Variants in LARP1B observed in about 807,000 individuals in gnomAD.
LARP1B encodes La ribonucleoprotein 1B.
A neutral mutation model predicts 114.2 loss-of-function variants in LARP1B; 76 were observed. The observed-to-expected ratio is 0.67, with a 90% CI of 0.55 to 0.81. The LOEUF is 0.81. Among genes scored for constraint, LARP1B ranks in the 30% least tolerant of loss-of-function variants. The pLI is 0.00. For missense variants in LARP1B, 1,014 were observed against 1,075.8 expected, an observed-to-expected ratio of 0.94 and a Z score of 0.80; for synonymous variants, 345 against 348.0, an observed-to-expected ratio of 0.99 and a Z score of 0.10.
intron 5 of LARP1B, among the ~76,000 whole-genome samples, chr4:128,084,199 G>T (rs1772274648): frequency 6.6e-6 from 1 of 152,110 alleles, no homozygotes. Flanking sequence ...AGGCAGAGAT[G>T]CTCCTCACTT....
chr4:128,167,538 GT>G (rs1353721692), intron 12 of LARP1B, among the ~76,000 whole-genome samples: 1 of 151,990 alleles, frequency 6.6e-6, no homozygotes, highest in African/African-American at 2.4e-5. Flanking sequence ...TCTGTTGATT[GT>G]TTCCTTTGCT....
At chr4:128,175,232 G>A (rs1288625351) in intron 12 of LARP1B, among the ~76,000 whole-genome samples, 1 of 152,012 alleles carries the variant, frequency 6.6e-6, no homozygotes, top group Non-Finnish European at 1.5e-5. Flanking sequence ...TTCAGGTTTT[G>A]GCATGGTTTT....
chr4:128,152,586 TG>T (rs1356495374), intron 11 of LARP1B, among the ~76,000 whole-genome samples: 1 of 151,852 alleles, frequency 6.6e-6, no homozygotes, highest in African/African-American at 2.4e-5. Flanking sequence ...TTTATTTAGA[TG>T]GTGATTTTTA....
At chr4:128,112,600 A>G (rs1784498127) in intron 9 of LARP1B, among the ~76,000 whole-genome samples, 2 of 149,308 alleles carry the variant, frequency 1.3e-5, no homozygotes, top group South Asian at 2.2e-4. Flanking sequence ...CAGCCTCCCA[A>G]GTAGTTGGGA....
chr4:128,219,184 G>T (rs373400132), intron 6 of LARP1B, among the ~76,000 whole-genome samples: 101 of 148,624 alleles, frequency 6.8e-4, no homozygotes, highest in Middle Eastern at 3.5e-3. Flanking sequence ...GGAACACTTT[G>T]ACACTGTTGG....
chr4:128,198,957 G>T (rs538569616), intron 15 of LARP1B, among the ~76,000 whole-genome samples: 5 of 152,132 alleles, frequency 3.3e-5, no homozygotes, highest in Admixed American at 6.6e-5. Context: ...AGAATTGCAG[G>T]TTCTGTCTTA....
downstream of LARP1B, among the ~76,000 whole-genome samples, chr4:128,214,625 C>T (rs1210218232): frequency 5.2e-5 from 7 of 133,502 alleles, no homozygotes; most frequent in Non-Finnish European, 6.4e-5. Flanking sequence ...AGGACATCTA[C>T]ACCGAAAACC....
intron 11 of LARP1B, among the ~76,000 whole-genome samples, chr4:128,131,711 C>T (rs2150111759): frequency 6.6e-6 from 1 of 152,266 alleles, no homozygotes; most frequent in East Asian, 1.9e-4. Flanking sequence ...AAGCAAGTCC[C>T]TGTCTCTAAA....
intron 17 of LARP1B, among the ~76,000 whole-genome samples, chr4:128,204,112 A>G (rs1236890435): frequency 6.6e-6 from 1 of 152,220 alleles, no homozygotes; most frequent in Non-Finnish European, 1.5e-5. Context: ...TGCCTATTCA[A>G]TATAAATGTT....
At chr4:128,193,677 A>C (rs979494730) in intron 15 of LARP1B, among the ~76,000 whole-genome samples, 1 of 151,232 alleles carries the variant, frequency 6.6e-6, no homozygotes, top group Non-Finnish European at 1.5e-5. Context: ...AGTGCAATGG[A>C]GTGATCTTGG....
chr4:128,067,254 A>G (rs1763355085), intron 1 of LARP1B, among the ~76,000 whole-genome samples: 1 of 152,206 alleles, frequency 6.6e-6, no homozygotes, highest in South Asian at 2.1e-4. Flanking sequence ...GTATAATTCT[A>G]CAAAACAGGA....
intron 11 of LARP1B, among the ~76,000 whole-genome samples, chr4:128,148,261 C>G (rs562752081): frequency 6.6e-6 from 1 of 152,064 alleles, no homozygotes; most frequent in Admixed American, 6.6e-5. Flanking sequence ...TGAAGTCCCT[C>G]TCTACTAAAA....
At chr4:128,182,537 C>G (rs1748896874) in intron 15 of LARP1B, among the ~76,000 whole-genome samples, 1 of 152,154 alleles carries the variant, frequency 6.6e-6, no homozygotes, top group African/African-American at 2.4e-5. Context: ...TGTTTTCTGG[C>G]TGCTCCACTG....
chr4:128,061,805 C>T (rs1760213282), intron 1 of LARP1B: 7 of 984,814 alleles, frequency 7.1e-6, no homozygotes, highest in Non-Finnish European at 8.4e-6. Flanking sequence ...CGAGCAGCCG[C>T]CCCCGCCCGA....
At chr4:128,083,626 C>T (rs1771707432) in intron 5 of LARP1B, among the ~76,000 whole-genome samples, 1 of 142,714 alleles carries the variant, frequency 7.0e-6, no homozygotes, top group Non-Finnish European at 1.5e-5. Flanking sequence ...GGGGTGCTGA[C>T]CCCCCCACCT....
intron 11 of LARP1B, among the ~76,000 whole-genome samples, chr4:128,146,437 T>C (rs968096985): frequency 1.3e-5 from 2 of 152,176 alleles, no homozygotes; most frequent in Admixed American, 6.5e-5. Flanking sequence ...GTTAGAAAAA[T>C]TCCAAAGTAA....
intron 1 of LARP1B, among the ~76,000 whole-genome samples, chr4:128,070,797 A>G (rs942850390): frequency 1.3e-5 from 2 of 151,344 alleles, no homozygotes; most frequent in African/African-American, 4.9e-5. Context: ...CCCTATCTCA[A>G]TTAAAAAAAA....
intron 11 of LARP1B, among the ~76,000 whole-genome samples, chr4:128,141,536 C>T (rs1255601510): frequency 6.6e-6 from 1 of 152,172 alleles, no homozygotes; most frequent in African/African-American, 2.4e-5. Flanking sequence ...CACTTAATCT[C>T]ATCGTTAGGC....
chr4:128,098,166 A>G lies in LARP1B; in HGVS notation c.669-20A>G, dbSNP rs1778763063. 2 of 1,579,076 alleles carry G rather than the reference A, an allele frequency of 1.3e-6. No individual in the cohort carries two copies. Among genetic ancestry groups the G allele is most frequent in the South Asian group, 1.1e-5 (1 of 89,626 alleles). On this transcript the variant is annotated intron_variant, in intron 7 of 19. Transcript: ENST00000326639. ...ATTTCCTACTAAATAAATGGATGAAATTCTGATTTCTCTTTTCAGTGAATA... is the reference window on the plus strand; with the variant it reads ...ATTTCCTACTAAATAAATGGATGAAGTTCTGATTTCTCTTTTCAGTGAATA...
Sources: allele counts gnomAD v4.1 joint callset (sites outside exome capture counted in the v4.1 genomes callset), GRCh38; gene constraint gnomAD v4.1.1; transcripts MANE v1.5; gene names NCBI Gene and HGNC (gene_info 2026-07-23, HGNC 2026-07-21).